The following GRAMD1B variants were observed in gnomAD, a reference collection of about 807,000 sequenced individuals.
GRAMD1B encodes protein Aster-B.
A neutral mutation model predicts 99.7 loss-of-function variants in GRAMD1B; 37 were observed. The ratio of observed to expected loss-of-function variants is 0.37; its 90% CI spans 0.29 to 0.49. The LOEUF is 0.49. Among genes scored for constraint, GRAMD1B ranks in the 20% least tolerant of loss-of-function variants. The pLI, the probability that GRAMD1B is intolerant of heterozygous loss-of-function variation, is 0.98. For synonymous variants in GRAMD1B, 427 were observed against 387.6 expected (o/e 1.10, Z -1.19); for missense variants, 888 against 1,009.2 (o/e 0.88, Z 1.63).
intron 1 of GRAMD1B, among the ~76,000 whole-genome samples, chr11:123,373,195 C>T (rs943778262): frequency 1.2e-4 from 18 of 151,560 alleles, no homozygotes; most frequent in Admixed American, 1.1e-3. Flanking sequence ...CTTTTTTTAC[C>T]CTAAAATTTC....
At chr11:123,431,590 G>A (rs977952160) in intron 1 of GRAMD1B, among the ~76,000 whole-genome samples, 1 of 152,226 alleles carries the variant, frequency 6.6e-6, no homozygotes, top group East Asian at 1.9e-4. Flanking sequence ...TCTACAGAAG[G>A]AGATAGTAAA....
At chr11:123,490,896 C>T in intron 2 of GRAMD1B, among the ~76,000 whole-genome samples, 1 of 152,106 alleles carries the variant, frequency 6.6e-6, no homozygotes, top group East Asian at 1.9e-4. Context: ...AGGAGGTTAG[C>T]GGCAGCAGGA....
At chr11:123,475,878 G>T (rs1320008354) in intron 1 of GRAMD1B, among the ~76,000 whole-genome samples, 3 of 152,146 alleles carry the variant, frequency 2.0e-5, no homozygotes, top group Non-Finnish European at 4.4e-5. Context: ...TGGCCTGGAG[G>T]TTGCTCTTTT....
chr11:123,592,044 A>G (rs1950719553), intron 4 of GRAMD1B, among the ~76,000 whole-genome samples: 1 of 152,200 alleles, frequency 6.6e-6, no homozygotes, highest in Admixed American at 6.5e-5. Context: ...AGAAGGCACT[A>G]GGACAGGAAA....
chr11:123,587,264 A>C lies in GRAMD1B; in HGVS notation c.684+2932A>C. Among the ~76,000 whole-genome samples, 1 of 152,324 alleles carries C rather than the reference A, an allele frequency of 6.6e-6. No homozygotes were observed. The highest frequency in any genetic ancestry group is 1.5e-5 in the Non-Finnish European group (1 of 68,020). Reference sequence around the variant, plus strand: ...GGACACAGGGAGAGGCCATAGCAGGAGAGTGTCAGGTCCAGAGTGGGGTTT... The same window carrying C: ...GGACACAGGGAGAGGCCATAGCAGGCGAGTGTCAGGTCCAGAGTGGGGTTT... On this transcript the variant is annotated intron_variant, in intron 4 of 19. Coordinates refer to ENST00000635736, the MANE Select transcript of GRAMD1B (RefSeq NM_001387025.1). This position sits in a 1 kb window ranked among gnomAD's most constrained non-coding sequence, Gnocchi z 4.2.
chr11:123,424,773 C>CAA (rs945288812), intron 1 of GRAMD1B, among the ~76,000 whole-genome samples: 14 of 152,176 alleles, frequency 9.2e-5, no homozygotes, highest in African/African-American at 3.1e-4. Context: ...ACCTCTTGTG[C>CAA]ACTTGTATTT....
At chr11:123,594,043 C>T (rs2136550501) in intron 4 of GRAMD1B, 39 bp from the exon 5 acceptor site, 1 of 1,368,708 alleles carries the variant, frequency 7.3e-7, no homozygotes, top group Non-Finnish European at 1.0e-6. Flanking sequence ...CCCCACAGAA[C>T]CGGGGTACAT....
chr11:123,552,273 C>CTTTTTTTTTTTTTTTTTTTTT (rs71060514), intron 2 of GRAMD1B, among the ~76,000 whole-genome samples: 4 of 119,370 alleles, frequency 3.4e-5, no homozygotes, highest in African/African-American at 6.5e-5. Flanking sequence ...CTCTTTCTTT[C>CTTTTTTTTTTTTTTTTTTTTT]TTTTTTTTTT....
chr11:123,592,214 C>T (rs567129410), intron 4 of GRAMD1B, among the ~76,000 whole-genome samples: 17 of 152,112 alleles, frequency 1.1e-4, no homozygotes, highest in Non-Finnish European at 2.2e-4. Flanking sequence ...TAGCAGGGGC[C>T]GCAAAGCAGG....
At chr11:123,504,792 A>G (rs1011226191) in intron 2 of GRAMD1B, among the ~76,000 whole-genome samples, 2 of 151,982 alleles carry the variant, frequency 1.3e-5, no homozygotes, top group East Asian at 3.9e-4. Flanking sequence ...AGCGATTCTC[A>G]TACCTCAGCC....
Position 123,600,686 on chromosome 11 carries a change from T to C in GRAMD1B, c.1050+138T>C, listed in dbSNP as rs117868285. ...TGGCCTGAGTCCTGAAAGTAGCATA[T>C]AATCTCCCACGAATGGCCTCAACAC... On this transcript the variant is annotated intron_variant, in intron 8 of 19. Transcript: ENST00000635736. 1.2e-3 allele frequency: 685 copies of C among 577,854 alleles called. 8 individuals carry two copies. The East Asian group carries it at 0.02, about 17-fold the overall frequency. The allele number at this position is 577,854 out of a possible 1,614,324, so 35.8% of individuals were successfully genotyped here.
intron 2 of GRAMD1B, among the ~76,000 whole-genome samples, chr11:123,516,878 C>T (rs1488984051): frequency 1.3e-5 from 2 of 152,144 alleles, no homozygotes; most frequent in Non-Finnish European, 2.9e-5. Context: ...TTTGAAATAT[C>T]ATTGTGATTT....
intron 2 of GRAMD1B, among the ~76,000 whole-genome samples, chr11:123,548,817 T>C (rs1302245207): frequency 6.6e-6 from 1 of 152,158 alleles, no homozygotes; most frequent in East Asian, 1.9e-4. Flanking sequence ...TCATGTTGCC[T>C]AGGCTGGTCT....
At chr11:123,363,839 G>C (rs1946229518) in intron 1 of GRAMD1B, among the ~76,000 whole-genome samples, 1 of 152,208 alleles carries the variant, frequency 6.6e-6, no homozygotes, top group African/African-American at 2.4e-5. Flanking sequence ...ACACAAAGCA[G>C]ATGATATTTT....
chr11:123,520,720 A>G (rs1339844615), intron 2 of GRAMD1B, among the ~76,000 whole-genome samples: 9 of 147,842 alleles, frequency 6.1e-5, no homozygotes, highest in African/African-American at 2.3e-4. Context: ...TGGAGGCTGC[A>G]GTGAGCCGTG....
At chr11:123,528,096 C>T (rs896366188) in intron 2 of GRAMD1B, among the ~76,000 whole-genome samples, 3 of 152,150 alleles carry the variant, frequency 2.0e-5, no homozygotes, top group African/African-American at 4.8e-5. Flanking sequence ...GTCCAGGGGC[C>T]AAACCTTGTA....
At chr11:123,567,154 C>T (rs573921856) in intron 2 of GRAMD1B, among the ~76,000 whole-genome samples, 1 of 152,278 alleles carries the variant, frequency 6.6e-6, no homozygotes, top group African/African-American at 2.4e-5. Flanking sequence ...GTGGGACCAA[C>T]AAGTGCCAAT....
intron 4 of GRAMD1B, among the ~76,000 whole-genome samples, chr11:123,586,469 C>T (rs1043162445): frequency 1.1e-4 from 17 of 152,220 alleles, no homozygotes; most frequent in South Asian, 2.1e-4. Flanking sequence ...AGAGGCCAAG[C>T]GCACAAGGGG....
intron 2 of GRAMD1B, among the ~76,000 whole-genome samples, chr11:123,531,046 A>T (rs765481879): frequency 2.0e-5 from 3 of 152,232 alleles, no homozygotes; most frequent in Non-Finnish European, 2.9e-5. Context: ...AGTGATGTGG[A>T]CTGTTTGCGT....
Sources: gnomAD v4.1 joint callset for allele counts (sites outside exome capture counted in the v4.1 genomes callset) on GRCh38, gnomAD v4.1.1 for gene constraint, Gnocchi (gnomAD v3.1) non-coding constraint, MANE v1.5 for transcripts, NCBI Gene and HGNC (gene_info 2026-07-23, HGNC 2026-07-21) for gene names.